The following DDHD2 variants were observed in gnomAD, a reference collection of about 807,000 sequenced individuals.
DDHD2 encodes the protein DDHD domain containing 2.
In DDHD2, 62 loss-of-function variants were observed where a neutral mutation model predicts 91.2. The observed-to-expected ratio is 0.68, with a 90% confidence interval of 0.55 to 0.84. The LOEUF (loss-of-function observed/expected upper bound fraction) is 0.84, where lower values mean the gene tolerates loss of function less well. DDHD2 is among the 40% of genes least tolerant of loss of function. The pLI is 0.00. For synonymous variants in DDHD2, 271 were observed against 293.9 expected (o/e 0.92, Z 0.80); for missense variants, 740 against 846.9 (o/e 0.87, Z 1.57).
At chr8:38,247,692 G>A (rs1294809960) in intron 9 of DDHD2, 21 bp from the exon 10 acceptor site, 2 of 1,438,382 alleles carry the variant, frequency 1.4e-6, no homozygotes, top group Non-Finnish European at 1.9e-6. Context: ...AAGAATATGA[G>A]CTTTATAATT....
rs1164519337 is a variant in DDHD2 at position 38,253,580 on chromosome 8, T to C, written c.1916T>C (p.Val639Ala). 2.5e-6 allele frequency: 4 copies of C among 1,614,156 alleles called. No homozygotes were observed. Among genetic ancestry groups the C allele is most frequent in the Non-Finnish European group, 3.4e-6 (4 of 1,180,012 alleles). The part of the protein sequence containing the change: ...PSDVNTEETS[V>A]AVKEEVLPIN... ...GATGTTAACACAGAAGAGACCTCTG[T>C]GGCAGTTAAAGAAGAAGTCCTGCCT... Residue 639 changes from valine (V) to alanine (A), a missense_variant, in exon 16 of 18, where the codon GTG becomes GCG. Around this residue, in one of 2 missense-constraint regions of DDHD2, gnomAD observed 693 missense variants for 764.2 expected, o/e 0.91. Transcript: ENST00000397166.
intron 1 of DDHD2, chr8:38,268,338 C>T: frequency 6.5e-7 from 1 of 1,538,112 alleles, no homozygotes; most frequent in Non-Finnish European, 8.8e-7. Context: ...GTTCCCAGCA[C>T]GAAGAAACCG....
rs749469533 is a variant in DDHD2, at chr8:38,257,238, G to GTTT, written c.2055-2776_2055-2774dup. Among the ~76,000 whole-genome samples the GTTT allele has an allele frequency of 7.7e-4, 49 of 63,824 alleles. 8 individuals carry two copies. Among genetic ancestry groups the GTTT allele is most frequent in the South Asian group, 2.1e-3 (4 of 1,890 alleles). The allele number at this position is 63,824 out of a possible 152,430, so 41.9% of individuals were successfully genotyped here. ...GTAAGCCACCATATCTGGCCAACAA[G>GTTT]TTTTTTTTTTTTTTTTTTTTTTTTT... On this transcript the variant is annotated intron_variant, in intron 16 of 17. Transcript: ENST00000397166.
chr8:38,250,607 T>A (rs565002605), intron 11 of DDHD2: 17 of 152,264 alleles, frequency 1.1e-4, no homozygotes, highest in African/African-American at 4.1e-4. Flanking sequence ...TCCTCTGGAA[T>A]TCTCCTACCA....
At chr8:38,267,660 A>G (rs1363308140), downstream of DDHD2, 9 of 620,452 alleles carry the variant, frequency 1.5e-5, no homozygotes, top group Non-Finnish European at 1.9e-5. Context: ...TCAAGAGGAC[A>G]CTGACCGACT....
At position 38,253,002 on chromosome 8, in the gene DDHD2, A is replaced by G; in HGVS notation, c.1766A>G (p.Asn589Ser). 3 of 1,614,164 alleles carry G rather than the reference A, an allele frequency of 1.9e-6. No homozygotes were observed. The highest frequency in any genetic ancestry group is 1.1e-5 in the South Asian group (1 of 91,086). Residue 589 changes from asparagine to serine, a missense_variant, in exon 15 of 18, where the codon AAC becomes AGC. Transcript: ENST00000397166. ...AGGATGAGTATGGACCTTAAGAACA[A>G]CTTGCTAGGTTCGCTGCGGATGGCC... is the stretch of plus-strand genomic sequence containing the variant. ...LTRMSMDLKN[N>S]LLGSLRMAWK...
At chr8:38,246,182 C>A in intron 8 of DDHD2, 51 bp from the exon 9 acceptor site, 1 of 1,337,184 alleles carries the variant, frequency 7.5e-7, no homozygotes, top group Admixed American at 1.7e-5. Context: ...TAACAGAGAG[C>A]CATTTAGTGC....
At chr8:38,267,768 A>G, downstream of DDHD2, 2 of 1,014,762 alleles carry the variant, frequency 2.0e-6, no homozygotes, top group Non-Finnish European at 1.5e-6. Flanking sequence ...GTTGAATGAC[A>G]AAAGAAAAAT....
At chr8:38,236,820 C>T (rs1041280904) in intron 3 of DDHD2, among the ~76,000 whole-genome samples, 6 of 151,856 alleles carry the variant, frequency 4.0e-5, no homozygotes, top group Admixed American at 3.9e-4. Context: ...GCGCCCGGCT[C>T]ACACTGGCTA....
chr8:38,268,831 G>A, intron 1 of DDHD2: 1 of 1,479,102 alleles, frequency 6.8e-7, no homozygotes, highest in Non-Finnish European at 9.0e-7. Flanking sequence ...ACAGGTGCCC[G>A]CGGGAAGCCG....
chr8:38,267,605 C>T, downstream of DDHD2: 4 of 644,728 alleles, frequency 6.2e-6, no homozygotes, highest in East Asian at 1.1e-4. Context: ...CACATGATTA[C>T]TTTTTAGGGC....
At chr8:38,236,047 C>G (rs1804710815) in intron 3 of DDHD2, among the ~76,000 whole-genome samples, 1 of 152,118 alleles carries the variant, frequency 6.6e-6, no homozygotes, top group African/African-American at 2.4e-5. Context: ...GAGTGTCGTT[C>G]TGTTTCCCAG....
chr8:38,256,914 CT>C (rs1226858384), intron 16 of DDHD2, among the ~76,000 whole-genome samples: 2 of 151,968 alleles, frequency 1.3e-5, no homozygotes, highest in Non-Finnish European at 1.5e-5. Context: ...TCCACATCAA[CT>C]TTTTTTTATT....
intron 5 of DDHD2, among the ~76,000 whole-genome samples, chr8:38,239,583 A>G (rs991488114): frequency 2.9e-4 from 43 of 147,140 alleles, no homozygotes; most frequent in Non-Finnish European, 5.2e-4. Context: ...ACTACTCGGG[A>G]GGCTGAGGCA....
chr8:38,264,231 T>A, downstream of DDHD2: 1 of 839,218 alleles, frequency 1.2e-6, no homozygotes, highest in Non-Finnish European at 1.6e-6. Flanking sequence ...CACTGGAACC[T>A]CCAGCTCCCA....
Position 38,260,020 on chromosome 8 carries a change from A to G in DDHD2, c.2055-20A>G, listed in dbSNP as rs1455133707. On this transcript the variant is annotated intron_variant, in intron 16 of 17. Transcript: ENST00000397166. ...ACAAGTGTTAGTTCCTTTTCTCAAC[A>G]TAATTTTTTCTCTTTATAGGGAGTC... 7 of 1,540,774 alleles carry G rather than the reference A, an allele frequency of 4.5e-6. No individual in the cohort carries two copies. The highest frequency in any genetic ancestry group is 6.3e-6 in the Non-Finnish European group (7 of 1,114,754).
chr8:38,240,238 T>C, intron 5 of DDHD2, 37 bp from the exon 6 acceptor site: 1 of 1,293,740 alleles, frequency 7.7e-7, no homozygotes, highest in Non-Finnish European at 1.1e-6. Flanking sequence ...ACATGACTAA[T>C]TATACAGAAT....
chr8:38,238,404 T>A lies in DDHD2; in HGVS notation c.622+195T>A, dbSNP rs1029015380. On this transcript the variant is annotated intron_variant, in intron 5 of 17. Transcript: ENST00000397166. ...AGATGTAAAAATATCTTTTAAAACATATGGTAGGATGGGTAAAATTTGGCA... is the reference window on the plus strand; with the variant it reads ...AGATGTAAAAATATCTTTTAAAACAAATGGTAGGATGGGTAAAATTTGGCA... The A allele has an allele frequency of 4.5e-6, 6 of 1,332,714 alleles. No individual in the cohort carries two copies. In the African/African-American group the frequency reaches 6.0e-5, roughly 13 times the overall value. 82.6% of individuals were successfully genotyped at this position (1,332,714 alleles called of 1,614,324 possible).
At chr8:38,269,648 C>T (rs1808361020) in intron 1 of DDHD2, 1 of 174,304 alleles carries the variant, frequency 5.7e-6, no homozygotes, top group African/African-American at 2.4e-5. Context: ...GGATGGCCTC[C>T]TGCCCAGAGT....
Sources: gnomAD v4.1 joint callset for allele counts (sites outside exome capture counted in the v4.1 genomes callset) on GRCh38, gnomAD v4.1.1 for gene constraint, gnomAD v4.1.1 regional missense constraint, MANE v1.5 for transcripts, NCBI Gene and HGNC (gene_info 2026-07-23, HGNC 2026-07-21) for gene names.